The following S1PR2 variants were observed in gnomAD, a reference collection of about 807,000 sequenced individuals.
The protein encoded by S1PR2 is sphingosine-1-phosphate receptor 2, also known as sphingosine 1-phosphate receptor 2.
S1PR2 carries 9 observed loss-of-function variants against 16.1 expected under a neutral mutation model. The observed-to-expected ratio is 0.56, with a 90% confidence interval of 0.34 to 0.98. The LOEUF is 0.98. Ranked by LOEUF, S1PR2 falls within the 50% of genes least tolerant of loss-of-function variation. S1PR2 has a pLI of 0.02. For missense variants in S1PR2, 361 were observed against 488.4 expected (o/e 0.74, Z 2.46); for synonymous variants, 224 against 233.9 (o/e 0.96, Z 0.38).
intron 1 of S1PR2, among the ~76,000 whole-genome samples, chr19:10,230,208 T>A (rs2039662427): frequency 6.6e-6 from 1 of 152,146 alleles, no homozygotes; most frequent in African/African-American, 2.4e-5. Flanking sequence ...CTCGGCCTCC[T>A]TATCTGGTTT....
chr19:10,231,123 T>C (rs1181396432), intron 1 of S1PR2, 81 bp downstream of exon 1: 3 of 152,712 alleles, frequency 2.0e-5, no homozygotes, highest in East Asian at 1.9e-4. Flanking sequence ...AGCCCCCCGA[T>C]TGGGGCCCCT....
intron 1 of S1PR2, among the ~76,000 whole-genome samples, chr19:10,226,064 C>G (rs373821386): frequency 3.3e-5 from 5 of 152,226 alleles, no homozygotes; most frequent in East Asian, 3.8e-4. Context: ...ACCCAGAGAG[C>G]AAGCCCTAGG....
Position 10,224,049 on chromosome 19 carries a change from A to G in S1PR2, c.857T>C (p.Val286Ala), listed in dbSNP as rs117064827. The change falls in exon 2 of 2, where the codon GTC (valine) becomes GCC (alanine). Residue 286 changes from valine to alanine, a missense_variant. By Grantham distance (64) the Val-to-Ala change is moderately conservative (BLOSUM62 0). Coordinates refer to ENST00000646641, the MANE Select transcript of S1PR2 (RefSeq NM_004230.4). ...VSTLNSLLNP[V>A]IYTWRSRDLR... ...GTCCCGGCTGCGCCACGTGTAGATGACGGGGTTGAGCAGGGAATTCAGGGT... is the reference window on the plus strand; with the variant it reads ...GTCCCGGCTGCGCCACGTGTAGATGGCGGGGTTGAGCAGGGAATTCAGGGT... The G allele has an allele frequency of 8.7e-3, 13,676 of 1,570,584 alleles. 81 individuals carry two copies. The highest frequency in any genetic ancestry group is 9.8e-3 in the Non-Finnish European group (11,379 of 1,157,978).
At chr19:10,230,623 C>T (rs572911091) in intron 1 of S1PR2, 1 of 153,048 alleles carries the variant, frequency 6.5e-6, no homozygotes, top group South Asian at 2.1e-4. Context: ...CACCCACGAC[C>T]CATCCCTGAG....
At position 10,224,913 on chromosome 19, in the gene S1PR2, C is replaced by A. The variant is rs957204503; in HGVS notation, c.-8G>T. 1.2e-5 allele frequency: 19 copies of A among 1,600,150 alleles called. No individual in the cohort carries two copies. In the Middle Eastern group the frequency reaches 5.0e-4, roughly 42 times the overall value. ...CGAGTACAAGCTGCCCATGGTGGGG[C>A]TCAGAGGCCTGCTGGGGCCATGGGG... On this transcript the variant is annotated 5_prime_UTR_variant, in exon 2 of 2. Transcript: ENST00000646641.
Position 10,224,800 on chromosome 19 carries a change from C to T in S1PR2, c.106G>A (p.Ala36Thr), listed in dbSNP as rs2030714082. Residue 36 changes from alanine (A) to threonine (T), a missense_variant, in exon 2 of 2, where the codon GCC (alanine) becomes ACC (threonine). Ala to Thr is a moderately conservative substitution (Grantham distance 58). Transcript: ENST00000646641. ...ETQETTSRQV[A>T]SAFIVILCCA... ...CAGAGGATGACGATGAAGGCCGAGG[C>T]CACCTGGCGGGAGGTCGTCTCCTGC... 1 of 1,614,124 alleles carries T rather than the reference C, an allele frequency of 6.2e-7. No homozygotes were observed. The highest frequency in any genetic ancestry group is 8.5e-7 in the Non-Finnish European group (1 of 1,180,054).
chr19:10,224,637 G>A lies in S1PR2; in HGVS notation c.269C>T (p.Thr90Ile), dbSNP rs1220143663. 7 of 1,614,064 alleles carry A rather than the reference G, an allele frequency of 4.3e-6. No homozygotes were observed. The highest frequency in any genetic ancestry group is 5.1e-6 in the Non-Finnish European group (6 of 1,180,048). Residue 90 changes from threonine (T) to isoleucine (I), a missense_variant, in exon 2 of 2, where the codon ACC becomes ATC. Thr to Ile is a moderately conservative substitution (Grantham distance 89). Transcript: ENST00000646641. ...LLAGVAFVANTLLSGSVTLRL... is the reference protein window; with the variant it reads ...LLAGVAFVANILLSGSVTLRL... Reference sequence around the variant, plus strand: ...CAGCGTGACAGAGCCAGAGAGCAAGGTATTGGCTACGAAGGCCACGCCTGC... The same window carrying A: ...CAGCGTGACAGAGCCAGAGAGCAAGATATTGGCTACGAAGGCCACGCCTGC...
At chr19:10,225,182 C>A (rs142736246) in intron 1 of S1PR2, among the ~76,000 whole-genome samples, 3 of 152,160 alleles carry the variant, frequency 2.0e-5, no homozygotes, top group Non-Finnish European at 2.9e-5. Flanking sequence ...ACTGGCTCTG[C>A]GGCCTCTATA....
chr19:10,230,147 C>A (rs1005629401), intron 1 of S1PR2, among the ~76,000 whole-genome samples: 1 of 152,244 alleles, frequency 6.6e-6, no homozygotes, highest in Admixed American at 6.5e-5. Context: ...CAAAGCCCAG[C>A]GTGTCTCCAT....
In S1PR2 at chr19:10,222,811, T is replaced by C. The variant is rs2039601292; in HGVS notation, c.*1033A>G. 1 of 152,290 alleles carries C rather than the reference T, an allele frequency of 6.6e-6. No homozygotes were observed. The highest frequency in any genetic ancestry group is 1.5e-5 in the Non-Finnish European group (1 of 68,164). The allele number at this position is 152,290 out of a possible 1,614,324, so 9.4% of individuals were successfully genotyped here. A position where few individuals can be genotyped will look rare whatever the true frequency, so the allele number is the denominator to read the frequency against. ...TGCCCAGAGAAGGTGGCAGGAGGAA[T>C]ACATTCGAAAAGGAGAAATCGGTGC... On this transcript the variant is annotated 3_prime_UTR_variant, in exon 2 of 2. Coordinates refer to ENST00000646641, the MANE Select transcript of S1PR2 (RefSeq NM_004230.4).
intron 1 of S1PR2, among the ~76,000 whole-genome samples, chr19:10,228,873 A>G (rs2039652103): frequency 6.6e-6 from 1 of 152,184 alleles, no homozygotes; most frequent in Admixed American, 6.6e-5. Context: ...TCTGGAGATT[A>G]GGAGAGGGGA....
rs766168572 is a variant in S1PR2 at position 10,224,785 on chromosome 19, C to G, written c.121G>C (p.Val41Leu). The change falls in exon 2 of 2, where the codon GTC becomes CTC. Residue 41 changes from valine (V) to leucine (L), a missense_variant. By Grantham distance (32) the Val-to-Leu change is conservative. Transcript: ENST00000646641. The stretch of plus-strand genomic sequence containing the variant: ...ACCACAATGGCGCAACAGAGGATGA[C>G]GATGAAGGCCGAGGCCACCTGGCGG... ...TSRQVASAFI[V>L]ILCCAIVVEN... The G allele has an allele frequency of 6.2e-7, 1 of 1,614,236 alleles. No individual in the cohort carries two copies. The highest frequency in any genetic ancestry group is 8.5e-7 in the Non-Finnish European group (1 of 1,180,046).
chr19:10,221,744 G>A lies in S1PR2; in HGVS notation c.*2100C>T, dbSNP rs993159649. On this transcript the variant is annotated 3_prime_UTR_variant, in exon 2 of 2. Coordinates refer to ENST00000646641, the MANE Select transcript of S1PR2 (RefSeq NM_004230.4). ...AGACAGGACAGCATTCATTCTGGGG[G>A]AAATGTGACGAGGAGAGGAGGGTCA... is the stretch of plus-strand genomic sequence containing the variant. The A allele has an allele frequency of 6.6e-6, 1 of 152,510 alleles. No homozygotes were observed. The highest frequency in any genetic ancestry group is 1.5e-5 in the Non-Finnish European group (1 of 68,166). The allele number at this position is 152,510 out of a possible 1,614,324, so 9.4% of individuals were successfully genotyped here.
In S1PR2 at chr19:10,224,956, A is replaced by AAGAC. The variant is rs754625300; in HGVS notation, c.-42-13_-42-10dup. The AAGAC allele has an allele frequency of 2.1e-5, 30 of 1,454,200 alleles. No homozygotes were observed. The highest frequency in any genetic ancestry group is 7.4e-5 in the Admixed American group (4 of 53,888). 90.1% of individuals were successfully genotyped at this position (1,454,200 alleles called of 1,614,324 possible). ...CCATGGGGCTTTCAGAACTGCAGAG[A>AAGAC]AGACAGACAGACAGACAGACAATAG... is the stretch of plus-strand genomic sequence containing the variant. On this transcript the variant is annotated splice_polypyrimidine_tract_variant and intron_variant, in intron 1 of 1. Coordinates refer to ENST00000646641, the MANE Select transcript of S1PR2 (RefSeq NM_004230.4).
chr19:10,228,278 A>T (rs2039648806), intron 1 of S1PR2, among the ~76,000 whole-genome samples: 1 of 152,004 alleles, frequency 6.6e-6, no homozygotes, highest in Admixed American at 6.6e-5. Flanking sequence ...CAGCCATTGC[A>T]CTCCAGCCTG....
At position 10,224,955 on chromosome 19, in the gene S1PR2, G is replaced by C. The variant is rs756955645; in HGVS notation, c.-42-8C>G. 1 of 1,464,588 alleles carries C rather than the reference G, an allele frequency of 6.8e-7. No individual in the cohort carries two copies. The highest frequency in any genetic ancestry group is 1.4e-5 in the African/African-American group (1 of 71,676). The allele number at this position is 1,464,588 out of a possible 1,614,324, so 90.7% of individuals were successfully genotyped here. A position where few individuals can be genotyped will look rare whatever the true frequency, so the allele number is the denominator to read the frequency against. On this transcript the variant is annotated splice_polypyrimidine_tract_variant and splice_region_variant and intron_variant, in intron 1 of 1. Coordinates refer to ENST00000646641, the MANE Select transcript of S1PR2 (RefSeq NM_004230.4). ...GCCATGGGGCTTTCAGAACTGCAGA[G>C]AAGACAGACAGACAGACAGACAATA...
intron 1 of S1PR2, among the ~76,000 whole-genome samples, chr19:10,228,138 CA>C (rs141807915): frequency 0.52 from 50,840 of 97,234 alleles, 13,377 homozygotes; most frequent in Non-Finnish European, 0.63. Context: ...CCCCTCTACT[CA>C]AAAAAAAAAA....
intron 1 of S1PR2, 53 bp from the exon 2 acceptor site, chr19:10,225,000 A>G: frequency 9.6e-7 from 1 of 1,042,220 alleles, no homozygotes; most frequent in Non-Finnish European, 1.4e-6. Flanking sequence ...TGTGGCTGCT[A>G]CCTGGGCTCT....
rs1568274980 is a variant in S1PR2, at chr19:10,223,908, G to A, written c.998C>T (p.Ser333Phe). 6.3e-7 allele frequency: 1 copy of A among 1,597,780 alleles called. No individual in the cohort carries two copies. Among genetic ancestry groups the A allele is most frequent in the Non-Finnish European group, 8.5e-7 (1 of 1,171,598 alleles). The change falls in exon 2 of 2, where the codon TCC (serine) becomes TTC (phenylalanine). Residue 333 changes from serine to phenylalanine, a missense_variant. By Grantham distance (155) the Ser-to-Phe change is radical. Transcript: ENST00000646641. ...GGGCATGTGCATGCCCCTCTCCAGG[G>A]AGCTGGAGCTGCGGAGTGGCAGGAG... The part of the protein sequence containing the change: ...HHLLPLRSSS[S>F]LERGMHMPTS...
Sources: allele counts gnomAD v4.1 joint callset (sites outside exome capture counted in the v4.1 genomes callset), GRCh38; gene constraint gnomAD v4.1.1; transcripts MANE v1.5; gene names NCBI Gene and HGNC (gene_info 2026-07-23, HGNC 2026-07-21).